PDE11A: variants seen among roughly 807,000 people sequenced by gnomAD.
The protein encoded by PDE11A is phosphodiesterase 11A.
A neutral mutation model predicts 100.5 loss-of-function variants in PDE11A; 100 were observed. That is an observed-to-expected ratio of 1.00 (90% CI 0.85 to 1.18). PDE11A has a LOEUF of 1.18. PDE11A is among the 50% of genes most tolerant of loss of function. PDE11A has a pLI of 0.00. For missense variants in PDE11A, 1,141 were observed against 1,152.6 expected, an observed-to-expected ratio of 0.99 and a Z score of 0.15; for synonymous variants, 381 against 420.8, an observed-to-expected ratio of 0.91 and a Z score of 1.16.
intron 2 of PDE11A, among the ~76,000 whole-genome samples, chr2:177,919,297 C>T (rs1206299571): frequency 6.6e-6 from 1 of 151,906 alleles, no homozygotes; most frequent in Non-Finnish European, 1.5e-5. Flanking sequence ...TGGGGTTTCA[C>T]CATATTGACC....
rs1482039839 is a variant in PDE11A at position 177,663,911 on chromosome 2, C to T, written c.2601G>A (p.Arg867=). ...FDRNRKDELP[R]LQLEWIDSIC... The stretch of plus-strand genomic sequence containing the variant: ...TGCTATCAATCCACTCCAGTTGCAA[C>T]CGAGGCAGTTCATCCTTCCGGTTCC... Residue 867 remains arginine, a synonymous_variant, in exon 19 of 20, where the codon CGG becomes CGA. Transcript: ENST00000286063. 2 of 1,612,766 alleles carry T rather than the reference C, an allele frequency of 1.2e-6. No individual in the cohort carries two copies. Among genetic ancestry groups the T allele is most frequent in the East Asian group, 2.2e-5 (1 of 44,880 alleles).
In PDE11A at chr2:177,889,783, T is replaced by A. The variant is rs544311691; in HGVS notation, c.1302+8275A>T. 3.3e-5 allele frequency among the ~76,000 whole-genome samples: 5 copies of A among 152,294 alleles called. No homozygotes were observed. In the South Asian group the frequency reaches 1.0e-3, roughly 32 times the overall value. On this transcript the variant is annotated intron_variant, in intron 4 of 19. Coordinates refer to ENST00000286063, the MANE Select transcript of PDE11A (RefSeq NM_016953.4). ...ACTGCTTATCATTTATTCCTTAAGC[T>A]TTTGTATCTCTTTCTTGAACAACTT... is the stretch of plus-strand genomic sequence containing the variant.
chr2:178,028,396 A>G (rs1206282865), intron 1 of PDE11A, among the ~76,000 whole-genome samples: 1 of 151,832 alleles, frequency 6.6e-6, no homozygotes, highest in African/African-American at 2.4e-5. Context: ...CTGTGGGGGG[A>G]AGTCATTCAG....
intron 4 of PDE11A, among the ~76,000 whole-genome samples, chr2:177,877,712 C>T (rs1041054460): frequency 1.3e-5 from 2 of 152,116 alleles, no homozygotes; most frequent in African/African-American, 2.4e-5. Context: ...GTTCCAAGGC[C>T]TTTTAATTTC....
chr2:178,002,118 T>C (rs1313143022), intron 2 of PDE11A, among the ~76,000 whole-genome samples: 1 of 152,178 alleles, frequency 6.6e-6, no homozygotes, highest in Non-Finnish European at 1.5e-5. Flanking sequence ...CATTTTTATG[T>C]CCATGATCAA....
At chr2:177,640,472 T>G (rs569304444) in intron 19 of PDE11A, among the ~76,000 whole-genome samples, 1 of 152,372 alleles carries the variant, frequency 6.6e-6, no homozygotes, top group South Asian at 2.1e-4. Flanking sequence ...TTCGTGTGCC[T>G]GTCCAGCAGT....
At chr2:178,010,798 C>T (rs1233597618) in intron 2 of PDE11A, among the ~76,000 whole-genome samples, 3 of 152,082 alleles carry the variant, frequency 2.0e-5, no homozygotes, top group Non-Finnish European at 2.9e-5. Context: ...TGGGTTAAAA[C>T]GTAGAATGCA....
chr2:177,751,267 A>G (rs1039522865), intron 10 of PDE11A, among the ~76,000 whole-genome samples: 43 of 151,282 alleles, frequency 2.8e-4, no homozygotes, highest in African/African-American at 9.7e-4. Flanking sequence ...ACTTCCTATC[A>G]CACTTCCTTC....
intron 15 of PDE11A, among the ~76,000 whole-genome samples, chr2:177,689,817 A>C (rs2081016337): frequency 6.6e-6 from 1 of 152,216 alleles, no homozygotes; most frequent in South Asian, 2.1e-4. Context: ...AAATGGCAGA[A>C]GATTAGAGAC....
At chr2:177,988,400 G>A (rs1290579130) in intron 2 of PDE11A, among the ~76,000 whole-genome samples, 1 of 152,172 alleles carries the variant, frequency 6.6e-6, no homozygotes, top group East Asian at 1.9e-4. Flanking sequence ...CTAAGACACT[G>A]TAAACAAAAT....
At chr2:177,919,242 C>T (rs992792378) in intron 2 of PDE11A, among the ~76,000 whole-genome samples, 2 of 136,584 alleles carry the variant, frequency 1.5e-5, no homozygotes, top group African/African-American at 2.7e-5. Context: ...GGACTATAGG[C>T]GCGCACCACC....
intron 1 of PDE11A, among the ~76,000 whole-genome samples, chr2:178,058,903 T>C (rs968795429): frequency 3.9e-5 from 6 of 152,194 alleles, no homozygotes; most frequent in Non-Finnish European, 8.8e-5. Context: ...TCTCATTATT[T>C]ATCTTGACAA....
At chr2:177,899,830 G>A (rs576524726) in intron 3 of PDE11A, among the ~76,000 whole-genome samples, 1 of 150,532 alleles carries the variant, frequency 6.6e-6, no homozygotes, top group Admixed American at 6.6e-5. Context: ...TACCCAAGAG[G>A]AAATACTGCT....
intron 9 of PDE11A, among the ~76,000 whole-genome samples, chr2:177,787,673 A>C (rs1258184448): frequency 6.9e-6 from 1 of 144,466 alleles, no homozygotes; most frequent in Non-Finnish European, 1.5e-5. Context: ...ACATAGGCTC[A>C]AAATAAAAGG....
intron 10 of PDE11A, among the ~76,000 whole-genome samples, chr2:177,744,356 A>G (rs1316346437): frequency 1.4e-5 from 2 of 147,354 alleles, no homozygotes; most frequent in Admixed American, 6.8e-5. Flanking sequence ...TTTTTTTACT[A>G]TATGACTTTA....
At chr2:177,837,973 TTTTCTGGAAAAAGG>T in intron 6 of PDE11A, among the ~76,000 whole-genome samples, 1 of 152,310 alleles carries the variant, frequency 6.6e-6, no homozygotes, top group Admixed American at 6.5e-5. Flanking sequence ...TGAATCTTGT[TTTTCTGGAAAAAGG>T]TTTCTTCTCA....
chr2:178,018,868 A>G (rs2086373056), intron 1 of PDE11A, among the ~76,000 whole-genome samples: 1 of 152,216 alleles, frequency 6.6e-6, no homozygotes, highest in Non-Finnish European at 1.5e-5. Flanking sequence ...TCTTTGAGGA[A>G]AAGTTTGAGA....
intron 2 of PDE11A, among the ~76,000 whole-genome samples, chr2:177,925,843 C>G (rs2105758758): frequency 6.6e-6 from 1 of 152,260 alleles, no homozygotes; most frequent in East Asian, 1.9e-4. Context: ...CATGGAAGAT[C>G]AAATAAAAAA....
chr2:178,011,773 C>T (rs1344974031), intron 2 of PDE11A: 1 of 152,172 alleles, frequency 6.6e-6, no homozygotes, highest in African/African-American at 2.4e-5. Flanking sequence ...TTTAATCTCC[C>T]TACAGCCCTG....
Sources: gnomAD v4.1 joint callset for allele counts (sites outside exome capture counted in the v4.1 genomes callset) on GRCh38, gnomAD v4.1.1 for gene constraint, MANE v1.5 for transcripts, NCBI Gene and HGNC (gene_info 2026-07-23, HGNC 2026-07-21) for gene names.